Variants in RHD observed in about 807,000 individuals in gnomAD.
RHD encodes blood group Rh(D) polypeptide.
In RHD, 16 loss-of-function variants were observed where a neutral mutation model predicts 45.5. The observed-to-expected ratio is 0.35, with a 90% CI of 0.24 to 0.53. The LOEUF (loss-of-function observed/expected upper bound fraction) is 0.53, where lower values mean the gene tolerates loss of function less well. RHD is among the 20% of genes least tolerant of loss of function. The pLI is 0.92. For missense variants in RHD, 306 were observed against 532.0 expected (o/e 0.58, Z 4.18); for synonymous variants, 131 against 217.5 (o/e 0.60, Z 3.50).
At chr1:25,310,687 T>C (rs1644093327) in intron 7 of RHD, among the ~76,000 whole-genome samples, 1 of 132,444 alleles carries the variant, frequency 7.6e-6, no homozygotes, top group African/African-American at 2.5e-5. Context: ...GAATGGAGCA[T>C]TATGCCAGGC....
In RHD at chr1:25,288,380, A is replaced by G. The variant is rs1388765618; in HGVS notation, c.336-2261A>G. On this transcript the variant is annotated intron_variant, in intron 2 of 9. Transcript: ENST00000328664. The stretch of plus-strand genomic sequence containing the variant: ...CTTTTTGTAGAGATGGAGTCTCACT[A>G]TGTTGCCCAGGCTGGTCTCAAACTC... Among the ~76,000 whole-genome samples the G allele has an allele frequency of 2.4e-5, 3 of 122,722 alleles. 1 individual carries two copies. Among genetic ancestry groups the G allele is most frequent in the Middle Eastern group, 9.6e-3 (2 of 208 alleles). The allele number at this position is 122,722 out of a possible 152,430, so 80.5% of individuals were successfully genotyped here.
chr1:25,282,004 C>A (rs150910473), intron 1 of RHD, among the ~76,000 whole-genome samples: 2,000 of 132,156 alleles, frequency 0.015, 290 homozygotes, highest in African/African-American at 0.049. Flanking sequence ...GGCTGGAGAC[C>A]AGTGGCAGGT....
At chr1:25,281,425 GC>G (rs1289668868) in intron 1 of RHD, among the ~76,000 whole-genome samples, 1 of 131,736 alleles carries the variant, frequency 7.6e-6, no homozygotes, top group East Asian at 2.0e-4. Flanking sequence ...ATAAGTCTGG[GC>G]CCTATGCATA....
chr1:25,273,642 C>G lies in RHD; in HGVS notation c.148+947C>G, dbSNP rs921023469. ...ATTTTATATTCAGCTAAAAATATTC[C>G]CAGACTGTGATGAGACAACTGTAAA... On this transcript the variant is annotated intron_variant, in intron 1 of 9. Transcript: ENST00000328664. Among the ~76,000 whole-genome samples the G allele has an allele frequency of 3.2e-3, 352 of 109,618 alleles. 76 individuals carry two copies. Among genetic ancestry groups the G allele is most frequent in the Non-Finnish European group, 6.2e-3 (283 of 46,004 alleles). The allele number at this position is 109,618 out of a possible 152,430, so 71.9% of individuals were successfully genotyped here.
At chr1:25,303,491 T>G (rs780382420) in intron 6 of RHD, 32 bp downstream of exon 6, 1 of 1,377,610 alleles carries the variant, frequency 7.3e-7, no homozygotes, top group Admixed American at 1.8e-5. Flanking sequence ...CTCCTCTGCT[T>G]TGGCTGAAGG....
chr1:25,280,723 T>C (rs138442239), intron 1 of RHD, among the ~76,000 whole-genome samples: 1,451 of 126,378 alleles, frequency 0.011, 181 homozygotes, highest in African/African-American at 0.036. Context: ...GCCATCCTCC[T>C]ACCTCACCCT....
In RHD at chr1:25,296,316, G is replaced by A. The variant is rs182735391; in HGVS notation, c.487-4630G>A. ...GGCTGGAGTGCGGTGGTGTGATCTC[G>A]GCTCACTGCAACCTCCGCCTCCTGG... is the stretch of plus-strand genomic sequence containing the variant. On this transcript the variant is annotated intron_variant, in intron 3 of 9. Coordinates refer to ENST00000328664, the MANE Select transcript of RHD (RefSeq NM_016124.6). 1.8e-4 allele frequency among the ~76,000 whole-genome samples: 23 copies of A among 124,374 alleles called. 1 individual carries two copies. Among genetic ancestry groups the A allele is most frequent in the African/African-American group, 6.0e-4 (22 of 36,538 alleles). 81.6% of individuals were successfully genotyped at this position (124,374 alleles called of 152,430 possible). A position where few individuals can be genotyped will look rare whatever the true frequency, so the allele number is the denominator to read the frequency against.
intron 1 of RHD, among the ~76,000 whole-genome samples, chr1:25,283,928 T>C: frequency 7.4e-6 from 1 of 134,484 alleles, no homozygotes; most frequent in Non-Finnish European, 1.8e-5. Context: ...TCCACTCACC[T>C]GCCACAGCAG....
intron 5 of RHD, among the ~76,000 whole-genome samples, chr1:25,302,712 A>G (rs1643486611): frequency 7.6e-6 from 1 of 130,918 alleles, no homozygotes. Context: ...AGCCAATAAT[A>G]ATAATAAAAA....
chr1:25,303,401 C>A lies in RHD; in HGVS notation c.881C>A (p.Ala294Asp). ...SCHLIPSPWL[A>D]MVLGLVAGLI... Reference sequence around the variant, plus strand: ...CACCTGATCCCTTCTCCGTGGCTTGCCATGGTGCTGGGTCTTGTGGCTGGG... The same window carrying A: ...CACCTGATCCCTTCTCCGTGGCTTGACATGGTGCTGGGTCTTGTGGCTGGG... The change falls in exon 6 of 10, where the codon GCC (alanine) becomes GAC (aspartate). Residue 294 changes from alanine (A) to aspartate (D), a missense_variant. Ala to Asp is a moderately radical substitution (Grantham distance 126, BLOSUM62 -2). Coordinates refer to ENST00000328664, the MANE Select transcript of RHD (RefSeq NM_016124.6). The A allele has an allele frequency of 7.3e-7, 1 of 1,378,902 alleles. No homozygotes were observed. The highest frequency in any genetic ancestry group is 1.0e-6 in the Non-Finnish European group (1 of 978,806). 85.4% of individuals were successfully genotyped at this position (1,378,902 alleles called of 1,614,324 possible).
In RHD at chr1:25,282,764, C is replaced by T. The variant is rs1201418631; in HGVS notation, c.149-1809C>T. 7.7e-5 allele frequency among the ~76,000 whole-genome samples: 10 copies of T among 130,030 alleles called. 1 individual carries two copies. The highest frequency in any genetic ancestry group is 3.9e-4 in the East Asian group (2 of 5,074). The allele number at this position is 130,030 out of a possible 152,430, so 85.3% of individuals were successfully genotyped here. On this transcript the variant is annotated intron_variant, in intron 1 of 9. Coordinates refer to ENST00000328664, the MANE Select transcript of RHD (RefSeq NM_016124.6). Reference sequence around the variant, plus strand: ...AAAATTAGCCAGGCGTGGTGGCGCGCGCCTGTGGTTCCCACTGAAGCACAG... The same window carrying T: ...AAAATTAGCCAGGCGTGGTGGCGCGTGCCTGTGGTTCCCACTGAAGCACAG...
At chr1:25,291,169 C>T (rs1292977587) in intron 3 of RHD, among the ~76,000 whole-genome samples, 31 of 126,186 alleles carry the variant, frequency 2.5e-4, no homozygotes, top group African/African-American at 8.6e-4. Context: ...GATAGACAGA[C>T]AGACAGACAG....
chr1:25,308,785 T>C (rs984966296), intron 7 of RHD, among the ~76,000 whole-genome samples: 2 of 129,392 alleles, frequency 1.5e-5, no homozygotes, highest in Admixed American at 7.5e-5. Context: ...ATAGTGACAG[T>C]GATGATCTCT....
intron 3 of RHD, 80 bp from the exon 4 acceptor site, chr1:25,300,866 G>C: frequency 7.5e-7 from 1 of 1,326,244 alleles, no homozygotes; most frequent in South Asian, 1.2e-5. Flanking sequence ...GTGAAGCTCT[G>C]AACTTTCTCC....
In RHD at chr1:25,328,990, C is replaced by T; in HGVS notation, c.*66C>T. 7.3e-7 allele frequency: 1 copy of T among 1,373,004 alleles called. No individual in the cohort carries two copies. Among genetic ancestry groups the T allele is most frequent in the Non-Finnish European group, 1.0e-6 (1 of 975,476 alleles). The allele number at this position is 1,373,004 out of a possible 1,614,324, so 85.1% of individuals were successfully genotyped here. ...GACAACTTCCTCTCACTGTTGCCTG[C>T]ATTTGTACGTGAGAAACGCTCATGA... On this transcript the variant is annotated 3_prime_UTR_variant, in exon 10 of 10. Coordinates refer to ENST00000328664, the MANE Select transcript of RHD (RefSeq NM_016124.6).
Position 25,320,453 on chromosome 1 carries a change from C to T in RHD, c.1154-1436C>T, listed in dbSNP as rs568973255. ...GCTATCTGGAAAATTCATGCAGGCG[C>T]CAGAGATCGTTACTGAGTAATTCAA... On this transcript the variant is annotated intron_variant, in intron 8 of 9. Coordinates refer to ENST00000328664, the MANE Select transcript of RHD (RefSeq NM_016124.6). Among the ~76,000 whole-genome samples the T allele has an allele frequency of 3.3e-4, 44 of 132,008 alleles. 3 individuals are homozygous for T. In the East Asian group the frequency reaches 7.2e-3, roughly 22 times the overall value. The allele number at this position is 132,008 out of a possible 152,430, so 86.6% of individuals were successfully genotyped here.
chr1:25,320,104 G>A (rs1235081576), intron 8 of RHD, among the ~76,000 whole-genome samples: 1 of 130,964 alleles, frequency 7.6e-6, no homozygotes, highest in East Asian at 2.0e-4. Flanking sequence ...CTCCATGTTG[G>A]TCATGCTGGT....
At chr1:25,309,582 A>G (rs573438045) in intron 7 of RHD, among the ~76,000 whole-genome samples, 2 of 132,458 alleles carry the variant, frequency 1.5e-5, no homozygotes, top group South Asian at 4.6e-4. Context: ...TTTTAATAGC[A>G]TCTCTGGAAT....
Position 25,301,006 on chromosome 1 carries a change from G to A in RHD, c.547G>A (p.Val183Met). 1.5e-6 allele frequency: 2 copies of A among 1,378,650 alleles called. 1 individual carries two copies. The highest frequency in any genetic ancestry group is 2.4e-5 in the South Asian group (2 of 84,866). 85.4% of individuals were successfully genotyped at this position (1,378,650 alleles called of 1,614,324 possible). The stretch of plus-strand genomic sequence containing the variant: ...GTTCGCAGCCTATTTTGGGCTGTCT[G>A]TGGCCTGGTGCCTGCCAAAGCCTCT... ...YVFAAYFGLS[V>M]AWCLPKPLPE... Residue 183 changes from valine to methionine, a missense_variant, in exon 4 of 10, where the codon GTG (valine) becomes ATG (methionine). Val to Met is a conservative substitution (Grantham distance 21). Transcript: ENST00000328664.
Sources: allele counts gnomAD v4.1 joint callset (sites outside exome capture counted in the v4.1 genomes callset), GRCh38; gene constraint gnomAD v4.1.1; transcripts MANE v1.5; gene names NCBI Gene and HGNC (gene_info 2026-07-23, HGNC 2026-07-21).